LDB2: variants seen among roughly 807,000 people sequenced by gnomAD.
LDB2 encodes LIM domain binding 2, also known as LIM domain-binding protein 2.
A neutral mutation model predicts 44.3 loss-of-function variants in LDB2; 12 were observed. The ratio of observed to expected loss-of-function variants is 0.27; its 90% confidence interval spans 0.17 to 0.44. The LOEUF is 0.44. Among genes scored for constraint, LDB2 ranks in the 20% least tolerant of loss-of-function variants. LDB2 has a pLI of 1.00. For synonymous variants in LDB2, 164 were observed against 174.8 expected (o/e 0.94, Z 0.49); for missense variants, 344 against 473.5 (o/e 0.73, Z 2.54).
intron 5 of LDB2, among the ~76,000 whole-genome samples, chr4:16,532,748 G>A (rs1730577942): frequency 6.6e-6 from 1 of 152,092 alleles, no homozygotes; most frequent in African/African-American, 2.4e-5. Context: ...TAACCATTAT[G>A]GTTCCCCAAA....
At chr4:16,687,778 C>G in intron 2 of LDB2, among the ~76,000 whole-genome samples, 1 of 151,792 alleles carries the variant, frequency 6.6e-6, no homozygotes, top group Non-Finnish European at 1.5e-5. Flanking sequence ...AAAAGGCTAA[C>G]ATGTAAGAAT....
chr4:16,841,346 T>A (rs1406137948), intron 1 of LDB2, among the ~76,000 whole-genome samples: 2 of 152,214 alleles, frequency 1.3e-5, no homozygotes, highest in African/African-American at 4.8e-5. Context: ...TATTTTCTCT[T>A]GCATATCTGA....
At chr4:16,774,468 G>A (rs1771460968) in intron 1 of LDB2, among the ~76,000 whole-genome samples, 1 of 152,116 alleles carries the variant, frequency 6.6e-6, no homozygotes, top group Non-Finnish European at 1.5e-5. Context: ...TGCACTGCAT[G>A]GATGGAGTCA....
chr4:16,796,396 C>A (rs914479513), intron 1 of LDB2, among the ~76,000 whole-genome samples: 6 of 152,022 alleles, frequency 3.9e-5, no homozygotes, highest in African/African-American at 1.5e-4. Context: ...AATGAGTGAC[C>A]AAAAGTGGAA....
At chr4:16,604,688 AAAAC>A (rs1723460506) in intron 2 of LDB2, among the ~76,000 whole-genome samples, 2 of 152,050 alleles carry the variant, frequency 1.3e-5, no homozygotes, top group African/African-American at 2.4e-5. Flanking sequence ...TATGGAAAGA[AAAAC>A]AAACTATTAT....
chr4:16,819,095 T>C (rs207678), intron 1 of LDB2, among the ~76,000 whole-genome samples: 397 of 2,826 alleles, frequency 0.14, 2 homozygotes, highest in Middle Eastern at 0.5. Context: ...TGGTTGCTTG[T>C]GTGTGTGTGT....
rs146288782 is a variant in LDB2, at chr4:16,856,254, C to A, written c.132+42100G>T. On this transcript the variant is annotated intron_variant, in intron 1 of 7. Transcript: ENST00000304523. ...AAAGAGTGTCAGATGAGCTTGAGAT[C>A]AAAATCTTTGATATTCCTGGTCAGG... Among the ~76,000 whole-genome samples, 1,058 of 152,216 alleles carry A rather than the reference C, an allele frequency of 7.0e-3. 13 individuals are homozygous for A. Among genetic ancestry groups the A allele is most frequent in the African/African-American group, 0.024 (1,006 of 41,544 alleles).
chr4:16,624,603 G>A (rs147733353), intron 2 of LDB2, among the ~76,000 whole-genome samples: 228 of 152,134 alleles, frequency 1.5e-3, no homozygotes, highest in African/African-American at 5.2e-3. Context: ...GCTAAAGATC[G>A]CACATGTAGA....
intron 2 of LDB2, among the ~76,000 whole-genome samples, chr4:16,676,319 G>T (rs771299991): frequency 1.3e-5 from 2 of 152,210 alleles, no homozygotes; most frequent in Non-Finnish European, 2.9e-5. Flanking sequence ...GAATAAGACA[G>T]CAAAGTATTC....
intron 2 of LDB2, among the ~76,000 whole-genome samples, chr4:16,695,241 T>A (rs1027403116): frequency 6.6e-6 from 1 of 152,154 alleles, no homozygotes; most frequent in Non-Finnish European, 1.5e-5. Flanking sequence ...ACAAAAAGTA[T>A]AATTATTGCT....
chr4:16,656,142 C>T (rs1739789068), intron 2 of LDB2, among the ~76,000 whole-genome samples: 2 of 152,116 alleles, frequency 1.3e-5, no homozygotes. Flanking sequence ...CCTCGTGATC[C>T]ACCCGCCTCG....
intron 2 of LDB2, among the ~76,000 whole-genome samples, chr4:16,676,409 G>A (rs78905904): frequency 0.052 from 7,979 of 152,314 alleles, 313 homozygotes; most frequent in Admixed American, 0.12. Context: ...TGAAGGCTCT[G>A]AGGTATCTTA....
chr4:16,804,689 A>C (rs1778455442), intron 1 of LDB2, among the ~76,000 whole-genome samples: 1 of 152,176 alleles, frequency 6.6e-6, no homozygotes, highest in Non-Finnish European at 1.5e-5. Context: ...TTTCAATGGA[A>C]AAAGGGCAGC....
chr4:16,520,098 G>A (rs1468504164), intron 5 of LDB2, among the ~76,000 whole-genome samples: 1 of 151,654 alleles, frequency 6.6e-6, no homozygotes, highest in Non-Finnish European at 1.5e-5. Context: ...AATACCAAAT[G>A]TTCAACTCCA....
chr4:16,769,520 T>G (rs1358204173), intron 1 of LDB2, among the ~76,000 whole-genome samples: 1 of 151,982 alleles, frequency 6.6e-6, no homozygotes, highest in African/African-American at 2.4e-5. Context: ...TCTCTCGAAC[T>G]CCTGACCTCA....
chr4:16,571,769 T>C (rs1746612861), intron 5 of LDB2, among the ~76,000 whole-genome samples: 1 of 152,228 alleles, frequency 6.6e-6, no homozygotes, highest in Non-Finnish European at 1.5e-5. Flanking sequence ...TGCCCTTTCT[T>C]CTCCATTGAG....
intron 2 of LDB2, among the ~76,000 whole-genome samples, chr4:16,642,485 A>T (rs1735478095): frequency 6.6e-6 from 1 of 152,238 alleles, no homozygotes; most frequent in African/African-American, 2.4e-5. Flanking sequence ...AGACAAGATG[A>T]TCAAATACCA....
chr4:16,519,645 G>A (rs1380278781), intron 5 of LDB2, among the ~76,000 whole-genome samples: 2 of 148,736 alleles, frequency 1.3e-5, no homozygotes, highest in Non-Finnish European at 3.0e-5. Context: ...GCAGAAGGGT[G>A]TAGGTTTTGG....
At chr4:16,613,366 A>C (rs148887818) in intron 2 of LDB2, among the ~76,000 whole-genome samples, 1 of 152,202 alleles carries the variant, frequency 6.6e-6, no homozygotes, top group African/African-American at 2.4e-5. Context: ...GGCCAGGGCA[A>C]TCAGGCAACA....
Sources: allele counts gnomAD v4.1 joint callset (sites outside exome capture counted in the v4.1 genomes callset), GRCh38; gene constraint gnomAD v4.1.1; transcripts MANE v1.5; gene names NCBI Gene and HGNC (gene_info 2026-07-23, HGNC 2026-07-21).